The following SIM1 variants were observed in gnomAD, a reference collection of about 807,000 sequenced individuals.
SIM1 encodes the protein single-minded homolog 1.
In SIM1, 18 loss-of-function variants were observed where a neutral mutation model predicts 78.2. The ratio of observed to expected loss-of-function variants is 0.23; its 90% CI spans 0.16 to 0.34. The LOEUF (loss-of-function observed/expected upper bound fraction) is 0.34, where lower values mean the gene tolerates loss of function less well. Ranked by LOEUF, SIM1 falls within the 10% of genes least tolerant of loss-of-function variation. SIM1 has a pLI of 1.00. For missense variants in SIM1, 939 were observed against 975.1 expected, an observed-to-expected ratio of 0.96 and a Z score of 0.49; for synonymous variants, 417 against 385.2, an observed-to-expected ratio of 1.08 and a Z score of -0.97.
rs762934961 is a variant in SIM1 at position 100,449,432 on chromosome 6, G to T, written c.474C>A (p.Arg158=). The T allele has an allele frequency of 6.2e-7, 1 of 1,614,032 alleles. No homozygotes were observed. Among genetic ancestry groups the T allele is most frequent in the Non-Finnish European group, 8.5e-7 (1 of 1,179,912 alleles). ...SHFVQEYEIE[R]SFFLRMKCVL... is the part of the protein sequence containing the mutation. ...CGCACTTCATCCTCAGGAAGAAGGA[G>T]CGCTCGATCTCATACTCTGGGAGAG... The change falls in exon 6 of 12, where the codon CGC becomes CGA. Residue 158 remains arginine (R), a synonymous_variant. Transcript: ENST00000369208.
In SIM1 at chr6:100,448,061, C is replaced by G. The variant is rs911960774; in HGVS notation, c.850+85G>C. On this transcript the variant is annotated intron_variant, in intron 8 of 11. Coordinates refer to ENST00000369208, the MANE Select transcript of SIM1 (RefSeq NM_005068.3). ...CCCTGGGCTCCCACCTGTCCTCTTGCGAGGGATTTAAATCGTGGCTCCCCC... is the reference window on the plus strand; with the variant it reads ...CCCTGGGCTCCCACCTGTCCTCTTGGGAGGGATTTAAATCGTGGCTCCCCC... 3 of 1,122,416 alleles carry G rather than the reference C, an allele frequency of 2.7e-6. No homozygotes were observed. In the East Asian group the frequency reaches 7.7e-5, roughly 29 times the overall value. The allele number at this position is 1,122,416 out of a possible 1,614,324, so 69.5% of individuals were successfully genotyped here. A position where few individuals can be genotyped will look rare whatever the true frequency, so the allele number is the denominator to read the frequency against.
chr6:100,407,374 G>A (rs1047194237), intron 10 of SIM1, among the ~76,000 whole-genome samples: 3 of 151,994 alleles, frequency 2.0e-5, no homozygotes, highest in African/African-American at 7.2e-5. Flanking sequence ...TGAACATTTA[G>A]GTTGTTTCCA....
At chr6:100,402,409 G>A (rs554947915) in intron 10 of SIM1, among the ~76,000 whole-genome samples, 1 of 152,128 alleles carries the variant, frequency 6.6e-6, no homozygotes, top group South Asian at 2.1e-4. Flanking sequence ...AGGTAGTTTG[G>A]TACCAACAGT....
chr6:100,411,434 A>C (rs1474667984), intron 10 of SIM1, among the ~76,000 whole-genome samples: 1 of 152,072 alleles, frequency 6.6e-6, no homozygotes, highest in Non-Finnish European at 1.5e-5. Flanking sequence ...CCTCCTCAGC[A>C]CTCAGGTGTT....
chr6:100,430,740 T>A (rs1771879194), intron 9 of SIM1, among the ~76,000 whole-genome samples: 1 of 152,064 alleles, frequency 6.6e-6, no homozygotes, highest in African/African-American at 2.4e-5. Context: ...GAGGATCCCA[T>A]TACTGAACAC....
chr6:100,456,107 T>C lies in SIM1; in HGVS notation c.176-2263A>G, dbSNP rs563117545. ...CCCGGAGGTTTGCCTTCTCTTTCTG[T>C]TCCCCGTAGAAATCTTACGATTGTG... On this transcript the variant is annotated intron_variant, in intron 2 of 11. Coordinates refer to ENST00000369208, the MANE Select transcript of SIM1 (RefSeq NM_005068.3). Among the ~76,000 whole-genome samples the C allele has an allele frequency of 3.9e-5, 6 of 152,172 alleles. No individual in the cohort carries two copies. In the South Asian group the frequency reaches 1.2e-3, roughly 32 times the overall value.
In SIM1 at chr6:100,461,507, C is replaced by A. The variant is rs150983208; in HGVS notation, c.175+1787G>T. On this transcript the variant is annotated intron_variant, in intron 2 of 11. Coordinates refer to ENST00000369208, the MANE Select transcript of SIM1 (RefSeq NM_005068.3). ...GCCCCACAAGCAACACCATATGCTG[C>A]TTCTGATCAAACAGCGAGCGACATC... is the stretch of plus-strand genomic sequence containing the variant. 3.9e-3 allele frequency among the ~76,000 whole-genome samples: 594 copies of A among 152,334 alleles called. 4 individuals carry two copies. Among genetic ancestry groups the A allele is most frequent in the African/African-American group, 0.014 (577 of 41,582 alleles).
intron 9 of SIM1, among the ~76,000 whole-genome samples, chr6:100,431,699 C>G (rs1360129885): frequency 6.6e-6 from 1 of 152,114 alleles, no homozygotes; most frequent in South Asian, 2.1e-4. Flanking sequence ...CAACAGAGCC[C>G]GTTACCAAAG....
chr6:100,412,611 G>GAAA lies in SIM1; in HGVS notation c.1167+8178_1167+8179insTTT, dbSNP rs1318407451. Among the ~76,000 whole-genome samples, 43 of 67,652 alleles carry GAAA rather than the reference G, an allele frequency of 6.4e-4. 2 individuals are homozygous for GAAA. The highest frequency in any genetic ancestry group is 1.9e-3 in the African/African-American group (32 of 16,950). The allele number at this position is 67,652 out of a possible 152,430, so 44.4% of individuals were successfully genotyped here. ...AGAAAGAAAGAAAGAAAGAAAGAAA[G>GAAA]GAAAGAAAGAAGGAAAGAAAGAAAG... On this transcript the variant is annotated intron_variant, in intron 10 of 11. Transcript: ENST00000369208.
At chr6:100,398,537 T>C (rs1770825648) in intron 10 of SIM1, among the ~76,000 whole-genome samples, 1 of 152,156 alleles carries the variant, frequency 6.6e-6, no homozygotes, top group Admixed American at 6.5e-5. Context: ...AGTATTTGTC[T>C]CTTCGTGACT....
At position 100,389,898 on chromosome 6, in the gene SIM1, A is replaced by G; in HGVS notation, c.*463T>C. On this transcript the variant is annotated 3_prime_UTR_variant, in exon 12 of 12. Coordinates refer to ENST00000369208, the MANE Select transcript of SIM1 (RefSeq NM_005068.3). Reference sequence around the variant, plus strand: ...TTTGGGAATGGAAATTTCGTTAAGAAGTTTAGTGTGACAGAGTCAAAGAAA... The same window carrying G: ...TTTGGGAATGGAAATTTCGTTAAGAGGTTTAGTGTGACAGAGTCAAAGAAA... The G allele has an allele frequency of 2.5e-6, 1 of 396,882 alleles. No individual in the cohort carries two copies. Among genetic ancestry groups the G allele is most frequent in the Non-Finnish European group, 4.4e-6 (1 of 225,440 alleles). The allele number at this position is 396,882 out of a possible 1,614,324, so 24.6% of individuals were successfully genotyped here.
intron 9 of SIM1, among the ~76,000 whole-genome samples, chr6:100,432,532 C>T (rs1389973929): frequency 6.6e-6 from 1 of 152,092 alleles, no homozygotes; most frequent in Admixed American, 6.6e-5. Context: ...ATTCAAGCTT[C>T]ACACTTTCCC....
chr6:100,428,414 A>T (rs568594579), intron 9 of SIM1, among the ~76,000 whole-genome samples: 27 of 152,320 alleles, frequency 1.8e-4, no homozygotes, highest in African/African-American at 6.3e-4. Flanking sequence ...CAATGCACAA[A>T]TTGCTGAGAA....
At position 100,385,322 on chromosome 6, in the gene SIM1, CA is replaced by C. The variant is rs1770492458; in HGVS notation, c.*5038del. 6.6e-6 allele frequency: 1 copy of C among 151,748 alleles called. No homozygotes were observed. Among genetic ancestry groups the C allele is most frequent in the Non-Finnish European group, 1.5e-5 (1 of 67,868 alleles). 9.4% of individuals were successfully genotyped at this position (151,748 alleles called of 1,614,324 possible). A position where few individuals can be genotyped will look rare whatever the true frequency, so the allele number is the denominator to read the frequency against. On this transcript the variant is annotated 3_prime_UTR_variant, in exon 12 of 12. Transcript: ENST00000369208. ...TTTTTATAGCACATTAGTCAAAAAACAAATGTAAAATATTTTATCTTTTTTG... is the reference window on the plus strand; with the variant it reads ...TTTTTATAGCACATTAGTCAAAAAACAATGTAAAATATTTTATCTTTTTTG...
chr6:100,394,570 AT>A (rs1229268251), intron 10 of SIM1, among the ~76,000 whole-genome samples: 1 of 151,994 alleles, frequency 6.6e-6, no homozygotes, highest in African/African-American at 2.4e-5. Flanking sequence ...TACACAGCTA[AT>A]TTTTAAATTC....
chr6:100,420,932 A>G lies in SIM1; in HGVS notation c.1025T>C (p.Leu342Pro). 6.2e-7 allele frequency: 1 copy of G among 1,613,716 alleles called. No individual in the cohort carries two copies. The highest frequency in any genetic ancestry group is 8.5e-7 in the Non-Finnish European group (1 of 1,179,914). ...GGAGGCTGAGATCTGATCCAGGGAG[A>G]GCTGCAGCCCTTTGTATTCTGTGTC... ...LTDTEYKGLQ[L>P]SLDQISASKP... The change falls in exon 10 of 12, where the codon CTC becomes CCC. Residue 342 changes from leucine to proline, a missense_variant. Leu to Pro is a moderately conservative substitution (Grantham distance 98, BLOSUM62 -3). Coordinates refer to ENST00000369208, the MANE Select transcript of SIM1 (RefSeq NM_005068.3).
At chr6:100,414,316 A>G (rs1582622818) in intron 10 of SIM1, among the ~76,000 whole-genome samples, 1 of 152,218 alleles carries the variant, frequency 6.6e-6, no homozygotes, top group Non-Finnish European at 1.5e-5. Flanking sequence ...TTGCCTCCCC[A>G]ACTAGACCCT....
chr6:100,424,653 T>C (rs1258665967), intron 9 of SIM1, among the ~76,000 whole-genome samples: 1 of 151,856 alleles, frequency 6.6e-6, no homozygotes, highest in Non-Finnish European at 1.5e-5. Context: ...GTTGCCCAGG[T>C]TGGTCTCATA....
chr6:100,395,238 A>C (rs184727989), intron 10 of SIM1, among the ~76,000 whole-genome samples: 10 of 152,306 alleles, frequency 6.6e-5, no homozygotes, highest in Admixed American at 6.5e-4. Flanking sequence ...AGAGCTTACT[A>C]TGTGTCTGGC....
Sources: allele counts gnomAD v4.1 joint callset (sites outside exome capture counted in the v4.1 genomes callset), GRCh38; gene constraint gnomAD v4.1.1; transcripts MANE v1.5; gene names NCBI Gene and HGNC (gene_info 2026-07-23, HGNC 2026-07-21).